The following EIF2B3 variants were observed in gnomAD, a reference collection of about 807,000 sequenced individuals.
EIF2B3 encodes the protein eukaryotic translation initiation factor 2B subunit gamma.
EIF2B3 carries 20 observed loss-of-function variants against 54.1 expected under a neutral mutation model. The observed-to-expected ratio is 0.37, with a 90% CI of 0.26 to 0.54. The LOEUF (loss-of-function observed/expected upper bound fraction) is 0.54. EIF2B3 is among the 20% of genes least tolerant of loss of function. EIF2B3 has a pLI of 0.86. For missense variants in EIF2B3, 448 were observed against 547.8 expected (o/e 0.82, Z 1.82); for synonymous variants, 153 against 188.1 (o/e 0.81, Z 1.52).
At chr1:44,979,749 A>C (rs1644494515) in intron 2 of EIF2B3, among the ~76,000 whole-genome samples, 1 of 152,026 alleles carries the variant, frequency 6.6e-6, no homozygotes, top group African/African-American at 2.4e-5. Flanking sequence ...AGATCACTTG[A>C]GGTCAGAAGT....
intron 6 of EIF2B3, among the ~76,000 whole-genome samples, chr1:44,885,717 A>G (rs1655556183): frequency 6.6e-6 from 1 of 152,168 alleles, no homozygotes; most frequent in African/African-American, 2.4e-5. Context: ...CCTCTATAAC[A>G]GAATGTCATA....
chr1:44,873,411 G>C (rs1197060087), intron 10 of EIF2B3, among the ~76,000 whole-genome samples: 2 of 152,006 alleles, frequency 1.3e-5, no homozygotes, highest in Non-Finnish European at 2.9e-5. Context: ...GCTTTCTACA[G>C]TGAAAAATGA....
intron 9 of EIF2B3, 107 bp downstream of exon 9, chr1:44,875,511 G>A (rs1655091647): frequency 9.9e-7 from 1 of 1,008,664 alleles, no homozygotes; most frequent in Non-Finnish European, 1.6e-6. Flanking sequence ...GATTTCCCTG[G>A]GGCTGATGAG....
rs548196444 is a variant in EIF2B3, at chr1:44,937,058, A to AT, written c.454+4447dup. On this transcript the variant is annotated intron_variant, in intron 4 of 11. Coordinates refer to ENST00000360403, the MANE Select transcript of EIF2B3 (RefSeq NM_020365.5). ...TAACAATCATGGTGCAGTGCTGGGT[A>AT]TTTTTTTAAAAATCTTGAAACCATT... Among the ~76,000 whole-genome samples, 416 of 152,270 alleles carry AT rather than the reference A, an allele frequency of 2.7e-3. 2 individuals carry two copies. The highest frequency in any genetic ancestry group is 8.3e-3 in the Admixed American group (127 of 15,282).
intron 1 of EIF2B3, among the ~76,000 whole-genome samples, chr1:44,982,098 A>AT (rs1644520913): frequency 6.6e-6 from 1 of 152,140 alleles, no homozygotes; most frequent in Non-Finnish European, 1.5e-5. Context: ...TATTCCTCCA[A>AT]TTTTTAAAGA....
Position 44,926,755 on chromosome 1 carries a change from GAAA to G in EIF2B3, c.455-19_455-17del. On this transcript the variant is annotated splice_polypyrimidine_tract_variant and intron_variant, in intron 4 of 11. Coordinates refer to ENST00000360403, the MANE Select transcript of EIF2B3 (RefSeq NM_020365.5). ...CGCTGCTCCACTGAATCATACAAAAGAAAAAAAAAATCAAATAAAGCCATTTGC... is the reference window on the plus strand; with the variant it reads ...CGCTGCTCCACTGAATCATACAAAAGAAAAAAATCAAATAAAGCCATTTGC... 6.5e-7 allele frequency: 1 copy of G among 1,538,350 alleles called. No individual in the cohort carries two copies. Among genetic ancestry groups the G allele is most frequent in the Admixed American group, 1.7e-5 (1 of 57,424 alleles).
At chr1:44,968,765 C>T (rs1454095569) in intron 3 of EIF2B3, among the ~76,000 whole-genome samples, 3 of 151,920 alleles carry the variant, frequency 2.0e-5, no homozygotes, top group African/African-American at 2.4e-5. Flanking sequence ...GGCATGGTGG[C>T]GTGTGCCTGT....
intron 1 of EIF2B3, among the ~76,000 whole-genome samples, chr1:44,983,704 T>G (rs1157069189): frequency 6.6e-6 from 1 of 151,728 alleles, no homozygotes; most frequent in Non-Finnish European, 1.5e-5. Flanking sequence ...AAACTCTGTC[T>G]CTACTAAAAA....
intron 1 of EIF2B3, 104 bp from the exon 2 acceptor site, chr1:44,981,281 T>C (rs1183422930): frequency 1.7e-6 from 2 of 1,167,896 alleles, no homozygotes; most frequent in Non-Finnish European, 1.3e-6. Flanking sequence ...ATACCCACTA[T>C]GTCAAATGCA....
chr1:44,911,738 G>A (rs1053793057), intron 5 of EIF2B3, among the ~76,000 whole-genome samples: 1 of 151,848 alleles, frequency 6.6e-6, no homozygotes, highest in African/African-American at 2.4e-5. Context: ...TTAAGTTTTA[G>A]GGTACATGTG....
At position 44,927,673 on chromosome 1, in the gene EIF2B3, T is replaced by C. The variant is rs139225662; in HGVS notation, c.455-934A>G. On this transcript the variant is annotated intron_variant, in intron 4 of 11. Coordinates refer to ENST00000360403, the MANE Select transcript of EIF2B3 (RefSeq NM_020365.5). ...ATTGGTGACGTTTAAACAAGGTCTGTATGTTAAAGTATGGTACCAATGTAA... is the reference window on the plus strand; with the variant it reads ...ATTGGTGACGTTTAAACAAGGTCTGCATGTTAAAGTATGGTACCAATGTAA... Among the ~76,000 whole-genome samples, 598 of 152,278 alleles carry C rather than the reference T, an allele frequency of 3.9e-3. 3 individuals are homozygous for C. The highest frequency in any genetic ancestry group is 0.014 in the African/African-American group (566 of 41,554).
Position 44,873,170 on chromosome 1 carries a change from ACT to A in EIF2B3, c.1202+1506_1202+1507del, listed in dbSNP as rs1470564483. On this transcript the variant is annotated intron_variant, in intron 10 of 11. Transcript: ENST00000360403. ...ACCACTGGTAGCAGCGTACCACAAA[ACT>A]CTGGATATTTTTGGCCAACTGATAT... Among the ~76,000 whole-genome samples, 12 of 152,174 alleles carry A rather than the reference ACT, an allele frequency of 7.9e-5. No individual in the cohort carries two copies. The East Asian group carries it at 1.7e-3, about 22-fold the overall frequency.
At chr1:44,860,159 C>CT (rs1251044298) in intron 10 of EIF2B3, among the ~76,000 whole-genome samples, 2 of 149,334 alleles carry the variant, frequency 1.3e-5, no homozygotes, top group Non-Finnish European at 3.0e-5. Flanking sequence ...CTAGTAATTT[C>CT]TTTTTTTTGA....
chr1:44,980,922 T>C, intron 2 of EIF2B3, 99 bp downstream of exon 2: 1 of 1,469,842 alleles, frequency 6.8e-7, no homozygotes, highest in Non-Finnish European at 9.5e-7. Context: ...AGCCAACGAG[T>C]TCTAGTCACC....
intron 6 of EIF2B3, among the ~76,000 whole-genome samples, chr1:44,882,872 C>T (rs1241525917): frequency 6.7e-6 from 1 of 150,268 alleles, no homozygotes; most frequent in Non-Finnish European, 1.5e-5. Context: ...GCTGCAGCCT[C>T]TTAAAGTGCT....
intron 3 of EIF2B3, among the ~76,000 whole-genome samples, chr1:44,967,161 A>C (rs1356115194): frequency 6.7e-6 from 1 of 149,552 alleles, no homozygotes; most frequent in East Asian, 2.0e-4. Context: ...AAAATGATAA[A>C]TGTGGCTGGG....
chr1:44,929,694 T>G (rs1643880459), intron 4 of EIF2B3, among the ~76,000 whole-genome samples: 1 of 152,228 alleles, frequency 6.6e-6, no homozygotes, highest in Admixed American at 6.5e-5. Context: ...ATGTTATTTT[T>G]GGATATAATT....
chr1:44,949,597 A>G (rs1356291488), intron 3 of EIF2B3, among the ~76,000 whole-genome samples: 1 of 152,232 alleles, frequency 6.6e-6, no homozygotes. Flanking sequence ...CTGACTGTTC[A>G]GAGTTAGGAC....
At position 44,978,431 on chromosome 1, in the gene EIF2B3, G is replaced by A; in HGVS notation, c.178C>T (p.Gln60Ter). The change falls in exon 3 of 12, where the codon CAA (glutamine) becomes TAA (stop). Residue 60 changes from glutamine to a stop codon, truncating the protein, a stop_gained. Transcript: ENST00000360403. LOFTEE classifies it high-confidence loss of function. ...TTGAATTCTGCACATAGAGCCTTTT[G>A]AACATCCCTGGTTGTAACCACAATG... is the stretch of plus-strand genomic sequence containing the variant. ...EVIVVTTRDV[Q>*]KALCAEFKMK... is the part of the protein sequence containing the mutation. 1.2e-6 allele frequency: 2 copies of A among 1,613,310 alleles called. No homozygotes were observed. The highest frequency in any genetic ancestry group is 1.7e-6 in the Non-Finnish European group (2 of 1,179,948).
Sources: gnomAD v4.1 joint callset for allele counts (sites outside exome capture counted in the v4.1 genomes callset) on GRCh38, gnomAD v4.1.1 for gene constraint, MANE v1.5 for transcripts, NCBI Gene and HGNC (gene_info 2026-07-23, HGNC 2026-07-21) for gene names.